Variants in TSNARE1 observed in about 807,000 individuals in gnomAD.
TSNARE1 encodes t-SNARE domain-containing protein 1.
A neutral mutation model predicts 62.0 loss-of-function variants in TSNARE1; 49 were observed. The ratio of observed to expected loss-of-function variants is 0.79; its 90% CI spans 0.63 to 1.00. The LOEUF is 1.00. TSNARE1 is among the 50% of genes least tolerant of loss of function. The pLI, the probability that TSNARE1 is intolerant of heterozygous loss-of-function variation, is 0.00. For synonymous variants in TSNARE1, 328 were observed against 294.4 expected (o/e 1.11, Z -1.17); for missense variants, 755 against 700.1 (o/e 1.08, Z -0.88).
chr8:142,229,590 G>C lies in TSNARE1; in HGVS notation c.1447-11C>G, dbSNP rs2130072298. ...CTTGTGTCTCTGGAGCTGGGAGAGA[G>C]AGAGAGGTTGTTTCCATATCCTGGT... On this transcript the variant is annotated splice_polypyrimidine_tract_variant and intron_variant, in intron 12 of 13. Transcript: ENST00000524325. 1.2e-6 allele frequency: 2 copies of C among 1,612,534 alleles called. No individual in the cohort carries two copies. The highest frequency in any genetic ancestry group is 1.7e-6 in the Non-Finnish European group (2 of 1,179,352).
At chr8:142,373,010 C>T (rs1328597114) in intron 1 of TSNARE1, among the ~76,000 whole-genome samples, 2 of 152,218 alleles carry the variant, frequency 1.3e-5, no homozygotes, top group African/African-American at 4.8e-5. Flanking sequence ...CACTCCCTCC[C>T]TCTGTCCCTC....
At chr8:142,267,362 A>C (rs936217760) in intron 12 of TSNARE1, among the ~76,000 whole-genome samples, 1 of 152,030 alleles carries the variant, frequency 6.6e-6, no homozygotes, top group Non-Finnish European at 1.5e-5. Context: ...AACCTTCCTC[A>C]TTTCCTGAGA....
At chr8:142,343,945 T>C (rs1832991780) in intron 4 of TSNARE1, 21 bp downstream of exon 4, 1 of 1,501,940 alleles carries the variant, frequency 6.7e-7, no homozygotes, top group Non-Finnish European at 8.9e-7. Flanking sequence ...CCTAGCAAGG[T>C]GAGCTGAGCA....
intron 12 of TSNARE1, chr8:142,270,610 T>G: frequency 1.0e-6 from 1 of 985,178 alleles, no homozygotes; most frequent in Non-Finnish European, 1.2e-6. Flanking sequence ...CCTCCAAGTG[T>G]GCATGCCCAC....
chr8:142,274,964 G>A, intron 11 of TSNARE1, 101 bp from the exon 12 acceptor site: 1 of 1,396,772 alleles, frequency 7.2e-7, no homozygotes, highest in Non-Finnish European at 9.3e-7. Flanking sequence ...TGAGCCCAGG[G>A]CCTGCAGAGG....
At chr8:142,277,002 G>T (rs187071842) in intron 11 of TSNARE1, 21 of 985,474 alleles carry the variant, frequency 2.1e-5, no homozygotes, top group Middle Eastern at 5.2e-4. Flanking sequence ...TCCCGGTGCT[G>T]TGCGGCCGCG....
intron 9 of TSNARE1, 135 bp from the exon 10 acceptor site, chr8:142,300,779 A>AGGCGACGATCTGGGTCTGT (rs1825605178): frequency 1.7e-6 from 2 of 1,152,256 alleles, no homozygotes; most frequent in South Asian, 1.6e-5. Context: ...TCTGGGTCTG[A>AGGCGACGATCTGGGTCTGT]GGCGGGGGCC....
rs530453118 is a variant in TSNARE1, at chr8:142,380,902, G to T, written c.-40+22202C>A. ...TAAGAAATAATAAAGGGGGGGGAAT[G>T]CTGCAAAATCTTCCATTGCCCTTCT... On this transcript the variant is annotated intron_variant, in intron 1 of 13. Coordinates refer to ENST00000524325, the MANE Select transcript of TSNARE1 (RefSeq NM_145003.5). Among the ~76,000 whole-genome samples the T allele has an allele frequency of 8.5e-5, 13 of 152,170 alleles. No homozygotes were observed. The East Asian group carries it at 1.6e-3, about 18-fold the overall frequency.
rs201354252 is a variant in TSNARE1 at position 142,297,198 on chromosome 8, AAGG to A, written c.1290+3285_1290+3287del. On this transcript the variant is annotated intron_variant, in intron 10 of 13. Transcript: ENST00000524325. ...GTTTTGTCCCAAGGATGATGCTGGG[AAGG>A]AGGACAAAGGAAAGGGATGCTGGGC... 3.4e-3 allele frequency among the ~76,000 whole-genome samples: 516 copies of A among 152,312 alleles called. 2 individuals are homozygous for A. Among genetic ancestry groups the A allele is most frequent in the African/African-American group, 0.012 (485 of 41,560 alleles).
intron 1 of TSNARE1, among the ~76,000 whole-genome samples, chr8:142,368,714 C>CCAGCAGA (rs1186565216): frequency 6.6e-6 from 1 of 152,140 alleles, no homozygotes; most frequent in Admixed American, 6.5e-5. Context: ...GGTGCAGGTG[C>CCAGCAGA]CAGCAGACGG....
intron 1 of TSNARE1, among the ~76,000 whole-genome samples, chr8:142,365,018 C>T (rs1835431278): frequency 6.6e-6 from 1 of 152,158 alleles, no homozygotes; most frequent in African/African-American, 2.4e-5. Context: ...TACATAATTG[C>T]AAAGGATCTT....
intron 12 of TSNARE1, among the ~76,000 whole-genome samples, chr8:142,235,825 G>C (rs1326771232): frequency 2.0e-5 from 3 of 152,326 alleles, no homozygotes; most frequent in Admixed American, 6.5e-5. Context: ...CTCTGTGCCA[G>C]GGCCTGCCAG....
intron 2 of TSNARE1, among the ~76,000 whole-genome samples, chr8:142,351,463 G>T (rs185319038): frequency 6.6e-6 from 1 of 152,282 alleles, no homozygotes; most frequent in Non-Finnish European, 1.5e-5. Flanking sequence ...TGACTTCATT[G>T]CAAGACATTA....
At chr8:142,376,437 A>G (rs74625901) in intron 1 of TSNARE1, among the ~76,000 whole-genome samples, 1,944 of 152,308 alleles carry the variant, frequency 0.013, 42 homozygotes, top group African/African-American at 0.044. Context: ...CAAAGCCCTC[A>G]TCAGTGGGAT....
chr8:142,331,823 C>G lies in TSNARE1; in HGVS notation c.754G>C (p.Val252Leu), dbSNP rs770581576. The G allele has an allele frequency of 5.6e-6, 9 of 1,608,114 alleles. No individual in the cohort carries two copies. Among genetic ancestry groups the G allele is most frequent in the Non-Finnish European group, 7.6e-6 (9 of 1,177,408 alleles). ...AGCTCCTGGAGGTTGCACGGATCGA[C>G]CTGGGTGGCTGGGAGAAGACAGGGA... ...FSLEPPRATQ[V>L]DPCNLQELFQ... is the part of the protein sequence containing the mutation. The change falls in exon 5 of 14, where the codon GTC becomes CTC. Residue 252 changes from valine (V) to leucine (L), a missense_variant. By Grantham distance (32) the Val-to-Leu change is conservative. Transcript: ENST00000524325.
intron 13 of TSNARE1, among the ~76,000 whole-genome samples, chr8:142,226,990 C>T (rs1816820843): frequency 7.2e-6 from 1 of 138,370 alleles, no homozygotes; most frequent in African/African-American, 3.1e-5. Flanking sequence ...CAAGGCCCCC[C>T]ACTGCACCCA....
intron 13 of TSNARE1, among the ~76,000 whole-genome samples, chr8:142,215,000 C>T (rs957562844): frequency 1.3e-5 from 2 of 152,232 alleles, no homozygotes; most frequent in Non-Finnish European, 2.9e-5. Context: ...CGCTTCCCAC[C>T]TCAGGGGCTT....
chr8:142,305,732 G>C (rs1212322332), intron 9 of TSNARE1, among the ~76,000 whole-genome samples: 1 of 152,206 alleles, frequency 6.6e-6, no homozygotes, highest in Non-Finnish European at 1.5e-5. Context: ...GGATTTGCTG[G>C]CAAGGTGCTG....
chr8:142,367,789 G>C (rs373747131), intron 1 of TSNARE1, among the ~76,000 whole-genome samples: 2 of 152,146 alleles, frequency 1.3e-5, no homozygotes, highest in African/African-American at 4.8e-5. Flanking sequence ...TAAAAATAGA[G>C]CCACGTACAC....
Sources: gnomAD v4.1 joint callset for allele counts (sites outside exome capture counted in the v4.1 genomes callset) on GRCh38, gnomAD v4.1.1 for gene constraint, MANE v1.5 for transcripts, NCBI Gene and HGNC (gene_info 2026-07-23, HGNC 2026-07-21) for gene names.